Variants in KCNC2 observed in about 807,000 individuals in gnomAD.
KCNC2 encodes potassium voltage-gated channel subfamily C member 2, also known as voltage-gated potassium channel KCNC2.
KCNC2 carries 21 observed loss-of-function variants against 44.5 expected under a neutral mutation model. The ratio of observed to expected loss-of-function variants is 0.47; its 90% CI spans 0.33 to 0.68. The LOEUF is 0.68. Ranked by LOEUF, KCNC2 falls within the 30% of genes least tolerant of loss-of-function variation. The probability of loss-of-function intolerance (pLI) is 0.01; values close to 1 mark genes in which losing one functional copy is unlikely to be tolerated. For missense variants in KCNC2, 589 were observed against 826.2 expected, an observed-to-expected ratio of 0.71 and a Z score of 3.52; for synonymous variants, 391 against 339.1, an observed-to-expected ratio of 1.15 and a Z score of -1.68.
intron 2 of KCNC2, among the ~76,000 whole-genome samples, chr12:75,129,276 C>T (rs950790778): frequency 6.6e-6 from 1 of 152,150 alleles, no homozygotes; most frequent in African/African-American, 2.4e-5. Flanking sequence ...CGCTAACAGG[C>T]TGCAGAAGAG....
At chr12:75,133,440 C>G (rs541505806) in intron 2 of KCNC2, among the ~76,000 whole-genome samples, 7 of 149,794 alleles carry the variant, frequency 4.7e-5, no homozygotes, top group Admixed American at 1.3e-4. Context: ...GAAAACAATA[C>G]TACAGAACTG....
At chr12:75,046,516 G>A (rs1880533210) in intron 4 of KCNC2, among the ~76,000 whole-genome samples, 1 of 151,630 alleles carries the variant, frequency 6.6e-6, no homozygotes, top group Non-Finnish European at 1.5e-5. Flanking sequence ...AAAAATGTAT[G>A]TAAATTTAAC....
At chr12:75,133,854 GAAAC>G (rs1470969221) in intron 2 of KCNC2, among the ~76,000 whole-genome samples, 1 of 151,798 alleles carries the variant, frequency 6.6e-6, no homozygotes, top group Non-Finnish European at 1.5e-5. Context: ...AGAGAGTGAT[GAAAC>G]AAACAGACAC....
rs115387131 is a variant in KCNC2, at chr12:75,051,788, G to T, written c.688-471C>A. Among the ~76,000 whole-genome samples the T allele has an allele frequency of 7.2e-3, 1,093 of 152,008 alleles. 11 individuals are homozygous for T. Among genetic ancestry groups the T allele is most frequent in the African/African-American group, 0.025 (1,032 of 41,470 alleles). On this transcript the variant is annotated intron_variant, in intron 2 of 4. Transcript: ENST00000549446. The stretch of plus-strand genomic sequence containing the variant: ...GCTACCCAAATTTAACTGTAGATTT[G>T]TATTCATATATAAAATGTTCTGGAT...
intron 2 of KCNC2, among the ~76,000 whole-genome samples, chr12:75,058,809 G>A (rs187877810): frequency 5.3e-4 from 80 of 152,052 alleles, no homozygotes; most frequent in African/African-American, 1.8e-3. Context: ...TAATCCCCAG[G>A]TAGCCAATTT....
chr12:75,113,563 T>C (rs1434658892), intron 2 of KCNC2, among the ~76,000 whole-genome samples: 1 of 152,202 alleles, frequency 6.6e-6, no homozygotes, highest in Non-Finnish European at 1.5e-5. Flanking sequence ...TTCTGGCCTG[T>C]TAACATGCCC....
At chr12:75,197,313 A>G (rs993925656) in intron 2 of KCNC2, among the ~76,000 whole-genome samples, 12 of 151,800 alleles carry the variant, frequency 7.9e-5, no homozygotes, top group Non-Finnish European at 1.6e-4. Context: ...GCCATGTTTC[A>G]TGCCTTCAGA....
chr12:75,084,906 G>A (rs993964731), intron 2 of KCNC2, among the ~76,000 whole-genome samples: 1 of 150,106 alleles, frequency 6.7e-6, no homozygotes, highest in Admixed American at 6.7e-5. Flanking sequence ...TAGTATTATA[G>A]ATTTTATATA....
chr12:75,204,821 T>C (rs1290380500), intron 2 of KCNC2, among the ~76,000 whole-genome samples: 1 of 152,126 alleles, frequency 6.6e-6, no homozygotes, highest in Non-Finnish European at 1.5e-5. Context: ...TGATTACTTT[T>C]TTTCAGCCAA....
chr12:75,185,714 T>C (rs1236753878), intron 2 of KCNC2, among the ~76,000 whole-genome samples: 2 of 152,140 alleles, frequency 1.3e-5, no homozygotes, highest in Non-Finnish European at 2.9e-5. Context: ...TAAATAAATG[T>C]ACTATCATAA....
At chr12:75,051,914 G>A (rs1416961046) in intron 2 of KCNC2, among the ~76,000 whole-genome samples, 3 of 152,022 alleles carry the variant, frequency 2.0e-5, no homozygotes, top group African/African-American at 7.2e-5. Flanking sequence ...CAAATTTAGG[G>A]AGGAAGAATA....
chr12:75,103,118 G>T (rs536350466), intron 2 of KCNC2, among the ~76,000 whole-genome samples: 5 of 152,074 alleles, frequency 3.3e-5, no homozygotes, highest in African/African-American at 1.2e-4. Flanking sequence ...TTGCAAAATA[G>T]TCTCCAAGGA....
intron 4 of KCNC2, among the ~76,000 whole-genome samples, chr12:75,045,038 T>C (rs1351907015): frequency 6.6e-6 from 1 of 151,920 alleles, no homozygotes; most frequent in Non-Finnish European, 1.5e-5. Flanking sequence ...TGACTGAAAA[T>C]ATAACTTTGG....
chr12:75,169,570 T>G (rs1891677314), intron 2 of KCNC2, among the ~76,000 whole-genome samples: 1 of 151,644 alleles, frequency 6.6e-6, no homozygotes, highest in African/African-American at 2.4e-5. Context: ...TGTAATTTAC[T>G]TTTTCACTTT....
intron 2 of KCNC2, among the ~76,000 whole-genome samples, chr12:75,169,601 T>C (rs900319917): frequency 6.6e-6 from 1 of 151,658 alleles, no homozygotes; most frequent in Non-Finnish European, 1.5e-5. Context: ...TAATGTCCTA[T>C]GTATTCTATT....
intron 2 of KCNC2, among the ~76,000 whole-genome samples, chr12:75,137,366 C>G (rs1376167173): frequency 6.6e-6 from 1 of 152,112 alleles, no homozygotes; most frequent in African/African-American, 2.4e-5. Context: ...CATCTGTGTT[C>G]CTGGCTTCTT....
At chr12:75,171,979 T>C (rs1046476582) in intron 2 of KCNC2, among the ~76,000 whole-genome samples, 1 of 151,736 alleles carries the variant, frequency 6.6e-6, no homozygotes, top group Non-Finnish European at 1.5e-5. Context: ...TCTGCAAACC[T>C]GCATATACTG....
At chr12:75,196,338 T>G (rs2030760981) in intron 2 of KCNC2, among the ~76,000 whole-genome samples, 1 of 152,114 alleles carries the variant, frequency 6.6e-6, no homozygotes, top group African/African-American at 2.4e-5. Context: ...TCATTTAGAA[T>G]CCACACAGAA....
intron 2 of KCNC2, among the ~76,000 whole-genome samples, chr12:75,123,191 G>A (rs1253163883): frequency 6.6e-6 from 1 of 152,102 alleles, no homozygotes; most frequent in Non-Finnish European, 1.5e-5. Context: ...ATCAGGTACA[G>A]AAGAGACATG....
Sources: gnomAD v4.1 joint callset for allele counts (sites outside exome capture counted in the v4.1 genomes callset) on GRCh38, gnomAD v4.1.1 for gene constraint, MANE v1.5 for transcripts, NCBI Gene and HGNC (gene_info 2026-07-23, HGNC 2026-07-21) for gene names.